ASRGL1: variants seen among roughly 807,000 people sequenced by gnomAD.
ASRGL1 encodes asparaginase and isoaspartyl peptidase 1.
In ASRGL1, 16 loss-of-function variants were observed where a neutral mutation model predicts 22.4. The ratio of observed to expected loss-of-function variants is 0.71; its 90% CI spans 0.48 to 1.08. The LOEUF (loss-of-function observed/expected upper bound fraction) is 1.08. Among genes scored for constraint, ASRGL1 ranks in the 50% least tolerant of loss-of-function variants. ASRGL1 has a pLI of 0.00. For synonymous variants in ASRGL1, 165 were observed against 159.3 expected, an observed-to-expected ratio of 1.04 and a Z score of -0.27; for missense variants, 412 against 410.1, an observed-to-expected ratio of 1.00 and a Z score of -0.04.
intron 6 of ASRGL1, 148 bp downstream of exon 6, chr11:62,391,780 T>C: frequency 9.6e-7 from 1 of 1,043,482 alleles, no homozygotes; most frequent in Non-Finnish European, 1.4e-6. Flanking sequence ...GTTTTGACTC[T>C]CCGCCTTCCC....
chr11:62,345,684 A>C (rs1945999751), intron 2 of ASRGL1, among the ~76,000 whole-genome samples: 1 of 152,136 alleles, frequency 6.6e-6, no homozygotes, highest in Non-Finnish European at 1.5e-5. Context: ...ATAATTTACT[A>C]TGATGGCTCA....
intron 4 of ASRGL1, among the ~76,000 whole-genome samples, chr11:62,366,376 A>G (rs963975828): frequency 2.7e-5 from 4 of 146,420 alleles, no homozygotes; most frequent in African/African-American, 9.9e-5. Flanking sequence ...TAACTTCCCA[A>G]TATTAAATAT....
At chr11:62,343,317 G>T (rs898034060) in intron 2 of ASRGL1, among the ~76,000 whole-genome samples, 1 of 146,328 alleles carries the variant, frequency 6.8e-6, no homozygotes, top group African/African-American at 2.5e-5. Context: ...GGTAGAGGTC[G>T]CAGTGAGCTG....
downstream of ASRGL1, among the ~76,000 whole-genome samples, chr11:62,394,240 A>G (rs2134711975): frequency 7.1e-6 from 1 of 140,644 alleles, no homozygotes; most frequent in South Asian, 2.1e-4. Flanking sequence ...TATGTATTAT[A>G]TATAATTTGT....
downstream of ASRGL1, among the ~76,000 whole-genome samples, chr11:62,396,570 C>A (rs925118231): frequency 1.3e-5 from 2 of 152,208 alleles, no homozygotes; most frequent in African/African-American, 4.8e-5. Flanking sequence ...CGGCTCTCAC[C>A]CCTAAGCTGC....
intron 4 of ASRGL1, among the ~76,000 whole-genome samples, chr11:62,379,126 T>C (rs1051281581): frequency 4.6e-5 from 7 of 152,172 alleles, no homozygotes. Context: ...AAGTAATCAT[T>C]GGTTGAACAG....
intron 4 of ASRGL1, among the ~76,000 whole-genome samples, chr11:62,388,642 C>T (rs1026393503): frequency 6.8e-6 from 1 of 147,020 alleles, no homozygotes; most frequent in Non-Finnish European, 1.5e-5. Context: ...TGCACTGCAG[C>T]CTGGGCGACA....
At chr11:62,345,972 A>G (rs909727708) in intron 2 of ASRGL1, among the ~76,000 whole-genome samples, 2 of 152,182 alleles carry the variant, frequency 1.3e-5, no homozygotes, top group African/African-American at 4.8e-5. Flanking sequence ...GACCAGTACC[A>G]GTACCTGGGG....
chr11:62,385,316 T>C (rs1947174805), intron 4 of ASRGL1, among the ~76,000 whole-genome samples: 1 of 151,982 alleles, frequency 6.6e-6, no homozygotes, highest in South Asian at 2.1e-4. Context: ...CTTATCAGTC[T>C]CATTGTTTTT....
chr11:62,369,258 T>C (rs1946698850), intron 4 of ASRGL1, among the ~76,000 whole-genome samples: 1 of 152,170 alleles, frequency 6.6e-6, no homozygotes, highest in Admixed American at 6.5e-5. Flanking sequence ...AAGTACATCC[T>C]GTATAGCCAT....
chr11:62,398,580 CAAGTATTTCATCTTT>C, the ASRGL1 span, among the ~76,000 whole-genome samples: 1 of 152,198 alleles, frequency 6.6e-6, no homozygotes, highest in Non-Finnish European at 1.5e-5. Context: ...TTGCAGACAC[CAAGTATTTCATCTTT>C]TTTAAAAGTA....
chr11:62,349,943 G>T (rs1467953934), intron 2 of ASRGL1, among the ~76,000 whole-genome samples: 1 of 152,118 alleles, frequency 6.6e-6, no homozygotes, highest in Admixed American at 6.5e-5. Context: ...CAGTGAGGAC[G>T]ACCAGAGGTC....
At chr11:62,357,311 G>A in intron 4 of ASRGL1, 167 bp downstream of exon 4, 1 of 778,662 alleles carries the variant, frequency 1.3e-6, no homozygotes, top group Non-Finnish European at 1.9e-6. Context: ...GTACAGTGGT[G>A]CGATCTCGGC....
chr11:62,338,345 T>C (rs768553292), intron 2 of ASRGL1, 178 bp downstream of exon 2: 3 of 721,670 alleles, frequency 4.2e-6, no homozygotes, highest in South Asian at 2.3e-5. Flanking sequence ...CGCTAAAATA[T>C]TTGTAGAGAT....
At chr11:62,358,405 T>G (rs1946355854) in intron 4 of ASRGL1, among the ~76,000 whole-genome samples, 1 of 151,066 alleles carries the variant, frequency 6.6e-6, no homozygotes, top group Non-Finnish European at 1.5e-5. Flanking sequence ...TGACCTTATG[T>G]TGGCAGCTGT....
At chr11:62,351,385 C>G (rs185346224) in intron 2 of ASRGL1, among the ~76,000 whole-genome samples, 3 of 152,294 alleles carry the variant, frequency 2.0e-5, no homozygotes, top group Non-Finnish European at 4.4e-5. Context: ...CCTGGTGGCT[C>G]AAGCATGTAA....
At chr11:62,356,203 C>G in intron 2 of ASRGL1, 122 bp from the exon 3 acceptor site, 1 of 1,200,620 alleles carries the variant, frequency 8.3e-7, no homozygotes, top group Non-Finnish European at 1.2e-6. Context: ...GGCAGCCGGG[C>G]AGAGGCGCCC....
At chr11:62,373,205 C>T in intron 4 of ASRGL1, 4 of 933,224 alleles carry the variant, frequency 4.3e-6, no homozygotes, top group Non-Finnish European at 5.3e-6. Context: ...GACTCCACAC[C>T]TCTCATGGCA....
At chr11:62,360,932 G>A (rs1946418774) in intron 4 of ASRGL1, among the ~76,000 whole-genome samples, 1 of 152,160 alleles carries the variant, frequency 6.6e-6, no homozygotes, top group South Asian at 2.1e-4. Flanking sequence ...CCAATATTTA[G>A]CCAAGCCTAA....
Sources: gnomAD v4.1 joint callset for allele counts (sites outside exome capture counted in the v4.1 genomes callset) on GRCh38, gnomAD v4.1.1 for gene constraint, MANE v1.5 for transcripts, NCBI Gene and HGNC (gene_info 2026-07-23, HGNC 2026-07-21) for gene names.